The following DLG2 variants were observed in gnomAD, a reference collection of about 807,000 sequenced individuals.
The protein encoded by DLG2 is discs large MAGUK scaffold protein 2.
In DLG2, 45 loss-of-function variants were observed where a neutral mutation model predicts 132.5. The ratio of observed to expected loss-of-function variants is 0.34; its 90% confidence interval spans 0.27 to 0.44. DLG2 has a LOEUF of 0.44. Among genes scored for constraint, DLG2 ranks in the 20% least tolerant of loss-of-function variants. The pLI is 1.00. For missense variants in DLG2, 1,045 were observed against 1,196.9 expected (o/e 0.87, Z 1.87); for synonymous variants, 424 against 419.6 (o/e 1.01, Z -0.13).
chr11:84,349,105 C>T (rs2098551468), intron 7 of DLG2, among the ~76,000 whole-genome samples: 1 of 152,134 alleles, frequency 6.6e-6, no homozygotes, highest in African/African-American at 2.4e-5. Flanking sequence ...AGATTACCTC[C>T]CGGTTTTAAC....
chr11:83,701,521 A>C (rs1195234732), intron 18 of DLG2, among the ~76,000 whole-genome samples: 1 of 152,178 alleles, frequency 6.6e-6, no homozygotes, highest in East Asian at 1.9e-4. Context: ...AGGAAGAATA[A>C]GACATAGTCC....
intron 3 of DLG2, among the ~76,000 whole-genome samples, chr11:85,445,562 C>A (rs1176367236): frequency 2.0e-5 from 3 of 152,124 alleles, no homozygotes; most frequent in Non-Finnish European, 4.4e-5. Context: ...CGCCTGTAAT[C>A]CCAGCTACTC....
At chr11:85,582,700 A>AAAAAAAAAAAAAAAAAAG (rs2078628477) in intron 3 of DLG2, among the ~76,000 whole-genome samples, 1 of 139,260 alleles carries the variant, frequency 7.2e-6, no homozygotes, top group Non-Finnish European at 1.5e-5. Flanking sequence ...AAAAAAAAAA[A>AAAAAAAAAAAAAAAAAAG]AAAAACTCGT....
intron 4 of DLG2, among the ~76,000 whole-genome samples, chr11:85,176,197 T>C (rs1219172034): frequency 6.6e-6 from 1 of 152,166 alleles, no homozygotes; most frequent in East Asian, 1.9e-4. Context: ...GACATCAGAC[T>C]ACCTGACTTC....
At chr11:85,075,778 T>G (rs993085622) in intron 6 of DLG2, among the ~76,000 whole-genome samples, 1 of 151,898 alleles carries the variant, frequency 6.6e-6, no homozygotes, top group Non-Finnish European at 1.5e-5. Flanking sequence ...AATTGTAATG[T>G]GCAAAAACCA....
chr11:84,367,562 C>T (rs142087475), intron 7 of DLG2, among the ~76,000 whole-genome samples: 1 of 151,972 alleles, frequency 6.6e-6, no homozygotes, highest in Admixed American at 6.6e-5. Context: ...AGAGCTGAGG[C>T]CTTTGAGAGA....
intron 8 of DLG2, among the ~76,000 whole-genome samples, chr11:84,197,801 G>A (rs1300048221): frequency 6.6e-6 from 1 of 152,070 alleles, no homozygotes; most frequent in Non-Finnish European, 1.5e-5. Flanking sequence ...CACATACTGT[G>A]AGCCAAATAA....
At chr11:84,133,692 G>T (rs566392610) in intron 9 of DLG2, among the ~76,000 whole-genome samples, 1 of 151,860 alleles carries the variant, frequency 6.6e-6, no homozygotes, top group South Asian at 2.1e-4. Flanking sequence ...TGTTGCCCAG[G>T]CTAGTCTTGA....
chr11:85,484,417 C>A (rs1254915938), intron 3 of DLG2, among the ~76,000 whole-genome samples: 1 of 150,798 alleles, frequency 6.6e-6, no homozygotes, highest in South Asian at 2.1e-4. Context: ...AACAGGCAAC[C>A]TACAAAATGG....
chr11:84,503,825 T>C (rs2099229932), intron 7 of DLG2, among the ~76,000 whole-genome samples: 1 of 152,222 alleles, frequency 6.6e-6, no homozygotes, highest in Non-Finnish European at 1.5e-5. Flanking sequence ...CATCACTGCA[T>C]CATTCTTAAC....
At chr11:84,913,775 T>C (rs2092281166) in intron 6 of DLG2, among the ~76,000 whole-genome samples, 1 of 152,228 alleles carries the variant, frequency 6.6e-6, no homozygotes, top group African/African-American at 2.4e-5. Context: ...GTATTACTTT[T>C]ATAATGTTAA....
intron 7 of DLG2, among the ~76,000 whole-genome samples, chr11:84,286,222 A>T (rs2097908594): frequency 6.6e-6 from 1 of 152,146 alleles, no homozygotes; most frequent in South Asian, 2.1e-4. Flanking sequence ...ACCTAGCTCT[A>T]TATCAAGGGC....
chr11:85,246,868 A>G (rs964358843), intron 4 of DLG2, among the ~76,000 whole-genome samples: 10 of 152,120 alleles, frequency 6.6e-5, no homozygotes. Flanking sequence ...TAGTTATCCA[A>G]TCAGTATTAC....
At chr11:83,503,274 AG>A (rs1273157678) in intron 21 of DLG2, among the ~76,000 whole-genome samples, 2 of 149,840 alleles carry the variant, frequency 1.3e-5, no homozygotes, top group African/African-American at 4.9e-5. Flanking sequence ...AAAGGAATTA[AG>A]CAGAGCTCTT....
At chr11:84,537,477 C>A (rs887553409) in intron 6 of DLG2, among the ~76,000 whole-genome samples, 1 of 152,210 alleles carries the variant, frequency 6.6e-6, no homozygotes, top group Non-Finnish European at 1.5e-5. Flanking sequence ...TATTGAGTCT[C>A]ATTTTTAAGC....
intron 5 of DLG2, among the ~76,000 whole-genome samples, chr11:85,141,470 C>A (rs2076473849): frequency 6.6e-6 from 1 of 151,528 alleles, no homozygotes; most frequent in Non-Finnish European, 1.5e-5. Flanking sequence ...GGTTATTAAT[C>A]TATTATCACA....
In DLG2 at chr11:84,106,868, T is replaced by TGTGAGA. The variant is rs112133411; in HGVS notation, c.625-7822_625-7821insTCTCAC. ...TTGAGTGAGTGTGTGTGTGTATGTG[T>TGTGAGA]GAGAGAGAGAGAGAGAGAGTTTTAG... On this transcript the variant is annotated intron_variant, in intron 9 of 27. Transcript: ENST00000376104. Among the ~76,000 whole-genome samples, 664 of 137,628 alleles carry TGTGAGA rather than the reference T, an allele frequency of 4.8e-3. 5 individuals carry two copies. The highest frequency in any genetic ancestry group is 0.011 in the Middle Eastern group (3 of 268). The allele number at this position is 137,628 out of a possible 152,430, so 90.3% of individuals were successfully genotyped here.
At chr11:84,572,168 T>C (rs2099486897) in intron 6 of DLG2, among the ~76,000 whole-genome samples, 2 of 152,156 alleles carry the variant, frequency 1.3e-5, no homozygotes, top group African/African-American at 4.8e-5. Flanking sequence ...GCTGCACCCA[T>C]TAACTTGTCA....
intron 3 of DLG2, among the ~76,000 whole-genome samples, chr11:85,458,000 C>T (rs574465966): frequency 2.0e-4 from 30 of 152,262 alleles, no homozygotes; most frequent in Admixed American, 7.2e-4. Flanking sequence ...GTTGGGGAAG[C>T]TTTCACAGGT....
Sources: gnomAD v4.1 joint callset for allele counts (sites outside exome capture counted in the v4.1 genomes callset) on GRCh38, gnomAD v4.1.1 for gene constraint, MANE v1.5 for transcripts, NCBI Gene and HGNC (gene_info 2026-07-23, HGNC 2026-07-21) for gene names.